Variants in SLC6A5 observed in about 807,000 individuals in gnomAD.
The protein encoded by SLC6A5 is solute carrier family 6 member 5.
A neutral mutation model predicts 90.5 loss-of-function variants in SLC6A5; 58 were observed. The observed-to-expected ratio is 0.64, with a 90% confidence interval of 0.52 to 0.80. The LOEUF is 0.80. Among genes scored for constraint, SLC6A5 ranks in the 30% least tolerant of loss-of-function variants. The pLI, the probability that SLC6A5 is intolerant of heterozygous loss-of-function variation, is 0.00. For missense variants in SLC6A5, 1,015 were observed against 1,017.6 expected, an observed-to-expected ratio of 1.00 and a Z score of 0.03; for synonymous variants, 427 against 401.4, an observed-to-expected ratio of 1.06 and a Z score of -0.76.
rs2298824 is a variant in SLC6A5 at position 20,636,091 on chromosome 11, C to G, written c.1625-216C>G. 0.023 allele frequency among the ~76,000 whole-genome samples: 3,449 copies of G among 152,288 alleles called. 321 individuals carry two copies. The East Asian group carries it at 0.32, about 14-fold the overall frequency. On this transcript the variant is annotated intron_variant, in intron 10 of 15. Transcript: ENST00000525748. Reference sequence around the variant, plus strand: ...TATTTTTAGGCCTCTCCTGTGAGTTCTCCTAGCTGTTGACCTAATTCCTTT... The same window carrying G: ...TATTTTTAGGCCTCTCCTGTGAGTTGTCCTAGCTGTTGACCTAATTCCTTT...
intron 13 of SLC6A5, among the ~76,000 whole-genome samples, chr11:20,645,475 G>C (rs11605104): frequency 0.098 from 14,952 of 152,070 alleles, 971 homozygotes; most frequent in South Asian, 0.15. Flanking sequence ...AGGAGGCTGG[G>C]AAATCCTGAG....
At position 20,626,789 on chromosome 11, in the gene SLC6A5, G is replaced by A. The variant is rs760658289; in HGVS notation, c.1342G>A (p.Ala448Thr). 7 of 1,613,990 alleles carry A rather than the reference G, an allele frequency of 4.3e-6. No homozygotes were observed. The change falls in exon 8 of 16, where the codon GCT becomes ACT. Residue 448 changes from alanine to threonine, a missense_variant. Around this residue, in one of 3 missense-constraint regions of SLC6A5, gnomAD observed 442 missense variants for 494.3 expected, o/e 0.89. Transcript: ENST00000525748. ...AGGAGTCACCCTGCCTGGAGCTGGA[G>A]CTGGGATCTGGTACTTCATCACACC... is the stretch of plus-strand genomic sequence containing the variant. Reference protein sequence around the residue: ...IRGVTLPGAGAGIWYFITPKW... With the variant: ...IRGVTLPGAGTGIWYFITPKW...
chr11:20,607,608 C>A lies in SLC6A5; in HGVS notation c.941C>A (p.Pro314His), dbSNP rs774704429. The A allele has an allele frequency of 1.2e-6, 2 of 1,614,160 alleles. No homozygotes were observed. Among genetic ancestry groups the A allele is most frequent in the South Asian group, 2.2e-5 (2 of 91,086 alleles). The change falls in exon 5 of 16, where the codon CCT (proline) becomes CAT (histidine). Residue 314 changes from proline (P) to histidine (H), a missense_variant. Physicochemically the swap from Pro to His is moderately conservative, Grantham distance 77. Around this residue, in one of 3 missense-constraint regions of SLC6A5, gnomAD observed 567 missense variants for 507.3 expected, o/e 1.12. Transcript: ENST00000525748. ...CTACCCTGGGGCTCCTGCAACAACC[C>A]TTGGAATACGCCAGAATGCAAAGAT... ...SVLPWGSCNN[P>H]WNTPECKDKT...
Position 20,657,529 on chromosome 11 carries a change from A to G in SLC6A5, c.*2661A>G, listed in dbSNP as rs577421653. ...TTAGCTTGTCTAATGGATTGTTTCC[A>G]TGATATTAAAATGTACAGTCAATTG... On this transcript the variant is annotated 3_prime_UTR_variant, in exon 16 of 16. Coordinates refer to ENST00000525748, the MANE Select transcript of SLC6A5 (RefSeq NM_004211.5). 5.8e-4 allele frequency: 89 copies of G among 152,302 alleles called. No homozygotes were observed. The highest frequency in any genetic ancestry group is 1.2e-3 in the South Asian group (6 of 4,824). The allele number at this position is 152,302 out of a possible 1,614,324, so 9.4% of individuals were successfully genotyped here.
chr11:20,632,295 C>T (rs1439256288), intron 10 of SLC6A5, among the ~76,000 whole-genome samples: 1 of 152,158 alleles, frequency 6.6e-6, no homozygotes, highest in Admixed American at 6.5e-5. Context: ...GAACCAGTGG[C>T]CAACCTGCTA....
Position 20,625,089 on chromosome 11 carries a change from C to T in SLC6A5, c.1261-1619C>T, listed in dbSNP as rs187732078. On this transcript the variant is annotated intron_variant, in intron 7 of 15. Transcript: ENST00000525748. ...TGGAGTCAGAATTTGGACCCAGGCTCGTGGGACTGCAGAGCCTGAGCTCTC... is the reference window on the plus strand; with the variant it reads ...TGGAGTCAGAATTTGGACCCAGGCTTGTGGGACTGCAGAGCCTGAGCTCTC... 4.6e-5 allele frequency among the ~76,000 whole-genome samples: 7 copies of T among 152,216 alleles called. No individual in the cohort carries two copies. In the East Asian group the frequency reaches 5.8e-4, roughly 13 times the overall value.
chr11:20,632,023 G>C (rs1456201840), intron 10 of SLC6A5, among the ~76,000 whole-genome samples: 1 of 152,188 alleles, frequency 6.6e-6, no homozygotes, highest in Non-Finnish European at 1.5e-5. Context: ...GGGGTGTTTG[G>C]TTCCGCAGCA....
Position 20,627,974 on chromosome 11 carries a change from TCTCAGG to T in SLC6A5, c.1396-5_1396del. On this transcript the variant is annotated splice_acceptor_variant and splice_polypyrimidine_tract_variant and coding_sequence_variant and intron_variant, in exon 9 of 16. Transcript: ENST00000525748. LOFTEE classifies it high-confidence loss of function. ...GTCTTGAATCTCTTTCCCTTTTGCC[TCTCAGG>T]TGTGGAAAGATGCTGCCACTCAGAT... The T allele has an allele frequency of 6.2e-7, 1 of 1,611,774 alleles. No individual in the cohort carries two copies. The highest frequency in any genetic ancestry group is 8.5e-7 in the Non-Finnish European group (1 of 1,177,916).
In SLC6A5 at chr11:20,601,172, GCC is replaced by G. The variant is rs1852464066; in HGVS notation, c.49_50del (p.Pro17GlyfsTer56). 1 of 1,589,954 alleles carries G rather than the reference GCC, an allele frequency of 6.3e-7. No homozygotes were observed. The highest frequency in any genetic ancestry group is 1.3e-5 in the African/African-American group (1 of 74,764). On this transcript the variant is annotated frameshift_variant, in exon 2 of 16. Transcript: ENST00000525748. LOFTEE classifies it high-confidence loss of function. ...GAAATGAATAAACTGCCAGCCAACA[GCC>G]CGGAGGCGGCGGCGGCGCAGGGCCA...
intron 13 of SLC6A5, among the ~76,000 whole-genome samples, chr11:20,638,873 AAGG>A (rs1049316411): frequency 2.0e-5 from 3 of 152,196 alleles, no homozygotes; most frequent in African/African-American, 7.2e-5. Context: ...CCAGATCAGA[AAGG>A]AGGAGGCTAC....
At chr11:20,611,148 G>A (rs1852685772) in intron 5 of SLC6A5, among the ~76,000 whole-genome samples, 1 of 152,154 alleles carries the variant, frequency 6.6e-6, no homozygotes, top group Admixed American at 6.5e-5. Flanking sequence ...AACAGCTGAT[G>A]CCAACCAGTT....
intron 9 of SLC6A5, 132 bp from the exon 10 acceptor site, chr11:20,630,559 G>A: frequency 9.4e-7 from 1 of 1,061,714 alleles, no homozygotes. Context: ...CCTGTGGTTA[G>A]GACATGAACG....
rs776547802 is a variant in SLC6A5, at chr11:20,638,534, C to G, written c.1945C>G (p.Leu649Val). 10 of 1,610,150 alleles carry G rather than the reference C, an allele frequency of 6.2e-6. No homozygotes were observed. Among genetic ancestry groups the G allele is most frequent in the Non-Finnish European group, 3.4e-6 (4 of 1,176,598 alleles). The change falls in exon 13 of 16, where the codon CTC (leucine) becomes GTC (valine). Residue 649 changes from leucine to valine, a missense_variant. Around this residue, in one of 3 missense-constraint regions of SLC6A5, gnomAD observed 442 missense variants for 494.3 expected, o/e 0.89. Transcript: ENST00000525748. ...YALVIIAIFELVGISYVYGLQ... is the reference protein window; with the variant it reads ...YALVIIAIFEVVGISYVYGLQ... The stretch of plus-strand genomic sequence containing the variant: ...CCTTGTCATCATTGCCATTTTTGAG[C>G]TCGTGGGGATCTCTTATGTGTATGG...
intron 13 of SLC6A5, among the ~76,000 whole-genome samples, chr11:20,645,424 C>T (rs1388207227): frequency 6.6e-6 from 1 of 152,018 alleles, no homozygotes; most frequent in Non-Finnish European, 1.5e-5. Context: ...ACTGAATTCA[C>T]CTGCTCTGGT....
intron 13 of SLC6A5, among the ~76,000 whole-genome samples, chr11:20,639,330 C>T (rs1257289090): frequency 6.6e-6 from 1 of 152,046 alleles, no homozygotes; most frequent in Non-Finnish European, 1.5e-5. Flanking sequence ...GTCCTGAGGC[C>T]TCACTAATAT....
At chr11:20,613,292 C>T (rs958682016) in intron 5 of SLC6A5, among the ~76,000 whole-genome samples, 3 of 152,256 alleles carry the variant, frequency 2.0e-5, no homozygotes, top group Admixed American at 6.5e-5. Flanking sequence ...GTGCCATAAA[C>T]GTGGTAACTG....
intron 7 of SLC6A5, among the ~76,000 whole-genome samples, chr11:20,626,265 A>G (rs577719507): frequency 6.6e-6 from 1 of 152,282 alleles, no homozygotes; most frequent in Admixed American, 6.5e-5. Context: ...TGTTCTTCTG[A>G]CCTTATGGGA....
At chr11:20,614,589 T>C in intron 5 of SLC6A5, 90 bp from the exon 6 acceptor site, 3 of 1,225,420 alleles carry the variant, frequency 2.4e-6, no homozygotes, top group Non-Finnish European at 3.6e-6. Flanking sequence ...CAAATGTTTT[T>C]GGCATTTGTT....
chr11:20,644,015 A>G (rs550702241), intron 13 of SLC6A5, among the ~76,000 whole-genome samples: 2 of 152,268 alleles, frequency 1.3e-5, no homozygotes, highest in African/African-American at 4.8e-5. Flanking sequence ...ATTGAAGTAC[A>G]ATGTACATAC....
Sources: allele counts gnomAD v4.1 joint callset (sites outside exome capture counted in the v4.1 genomes callset), GRCh38; gene constraint gnomAD v4.1.1; regional missense constraint gnomAD v4.1.1; transcripts MANE v1.5; gene names NCBI Gene and HGNC (gene_info 2026-07-23, HGNC 2026-07-21).